SASH1: variants seen among roughly 807,000 people sequenced by gnomAD.
SASH1 encodes SAM and SH3 domain containing 1, also known as SAM and SH3 domain-containing protein 1.
A neutral mutation model predicts 125.2 loss-of-function variants in SASH1; 44 were observed. That is an observed-to-expected ratio of 0.35 (90% confidence interval 0.28 to 0.45). The LOEUF (loss-of-function observed/expected upper bound fraction) is 0.45. Among genes scored for constraint, SASH1 ranks in the 20% least tolerant of loss-of-function variants. SASH1 has a pLI of 1.00. For missense variants in SASH1, 1,426 were observed against 1,614.5 expected, an observed-to-expected ratio of 0.88 and a Z score of 2.00; for synonymous variants, 639 against 649.1, an observed-to-expected ratio of 0.98 and a Z score of 0.24.
chr6:148,456,308 G>A (rs1222284564), intron 4 of SASH1, among the ~76,000 whole-genome samples: 1 of 152,128 alleles, frequency 6.6e-6, no homozygotes, highest in Non-Finnish European at 1.5e-5. Flanking sequence ...CGTCTCTATA[G>A]GGATCAGTGA....
At chr6:148,205,158 C>A in the SASH1 span, among the ~76,000 whole-genome samples, 1 of 152,166 alleles carries the variant, frequency 6.6e-6, no homozygotes, top group Non-Finnish European at 1.5e-5. Flanking sequence ...TATAATGGGG[C>A]GATTTATCAA....
At chr6:148,330,513 A>G (rs1780961667) in intron 1 of SASH1, among the ~76,000 whole-genome samples, 1 of 152,182 alleles carries the variant, frequency 6.6e-6, no homozygotes. Flanking sequence ...CTGCACTTTT[A>G]AGTCTTTTCT....
In SASH1 at chr6:148,544,892, C is replaced by G. The variant is rs1782465846; in HGVS notation, c.3348+74C>G. On this transcript the variant is annotated intron_variant, in intron 18 of 19. Coordinates refer to ENST00000367467, the MANE Select transcript of SASH1 (RefSeq NM_015278.5). The surrounding 1 kb of genome is among the most constrained non-coding windows in gnomAD (Gnocchi z 6.4). Reference sequence around the variant, plus strand: ...AGTCAGGCAGCCAGGTGAGATGAACCCACATCTGAAGCCAGCCCGGTAGCC... The same window carrying G: ...AGTCAGGCAGCCAGGTGAGATGAACGCACATCTGAAGCCAGCCCGGTAGCC... The G allele has an allele frequency of 6.9e-7, 1 of 1,439,592 alleles. No homozygotes were observed. The allele number at this position is 1,439,592 out of a possible 1,614,324, so 89.2% of individuals were successfully genotyped here. A position where few individuals can be genotyped will look rare whatever the true frequency, so the allele number is the denominator to read the frequency against.
At chr6:148,501,500 T>C (rs1466511347) in intron 8 of SASH1, among the ~76,000 whole-genome samples, 2 of 152,198 alleles carry the variant, frequency 1.3e-5, no homozygotes, top group African/African-American at 4.8e-5. Flanking sequence ...GCTTTAGTCT[T>C]CAGTGTGTCT....
chr6:148,390,210 G>A lies in SASH1; in HGVS notation c.233G>A (p.Cys78Tyr). The A allele has an allele frequency of 6.2e-7, 1 of 1,613,248 alleles. No individual in the cohort carries two copies. The highest frequency in any genetic ancestry group is 8.5e-7 in the Non-Finnish European group (1 of 1,179,798). ...DYYNTCFSDVCERMEELRKRR... is the reference protein window; with the variant it reads ...DYYNTCFSDVYERMEELRKRR... ...TACAACACCTGTTTCTCCGACGTGTGCGAGAGGATGGAGGAGCTGCGGAAA... is the reference window on the plus strand; with the variant it reads ...TACAACACCTGTTTCTCCGACGTGTACGAGAGGATGGAGGAGCTGCGGAAA... Residue 78 changes from cysteine to tyrosine, a missense_variant, in exon 2 of 20, where the codon TGC becomes TAC. Transcript: ENST00000367467.
chr6:148,205,275 AC>A, the SASH1 span, among the ~76,000 whole-genome samples: 4 of 151,688 alleles, frequency 2.6e-5, no homozygotes, highest in African/African-American at 4.8e-5. Context: ...TGGTTCTTAT[AC>A]CTCTGTCGTC....
intron 7 of SASH1, among the ~76,000 whole-genome samples, chr6:148,475,987 A>G (rs1778321593): frequency 6.6e-6 from 1 of 152,220 alleles, no homozygotes; most frequent in South Asian, 2.1e-4. Flanking sequence ...CTGTTATTCC[A>G]CATAGTACTG....
At chr6:148,367,226 A>G (rs1462674370) in intron 1 of SASH1, among the ~76,000 whole-genome samples, 3 of 152,134 alleles carry the variant, frequency 2.0e-5, no homozygotes, top group African/African-American at 7.2e-5. Context: ...ACCTGGCCAC[A>G]GTGTATCTTT....
chr6:148,446,912 C>G (rs772451226), intron 4 of SASH1, among the ~76,000 whole-genome samples: 1 of 152,224 alleles, frequency 6.6e-6, no homozygotes, highest in African/African-American at 2.4e-5. Context: ...AACCACAGAG[C>G]TGTAATTCCA....
chr6:148,491,339 G>T (rs1454451019), intron 8 of SASH1, among the ~76,000 whole-genome samples: 1 of 152,130 alleles, frequency 6.6e-6, no homozygotes, highest in East Asian at 1.9e-4. Flanking sequence ...GCATGATCTC[G>T]GCTCACTGCA....
the SASH1 span, among the ~76,000 whole-genome samples, chr6:148,259,995 C>T: frequency 1.7e-3 from 252 of 152,278 alleles, 1 homozygote; most frequent in Non-Finnish European, 3.3e-3. Flanking sequence ...AAGTGATTCT[C>T]CTGCCTCAGC....
In SASH1 at chr6:148,543,855, G is replaced by T. The variant is rs181294022; in HGVS notation, c.2385G>T (p.Thr795=). The change falls in exon 18 of 20, where the codon ACG becomes ACT. Residue 795 remains threonine, a synonymous_variant. Transcript: ENST00000367467. ...TGGGTGGTGGCCTTGCCCCAGACAC[G>T]TCCAAGAGCTGTGACCCACCTGGTG... ...GRLGGGLAPD[T]SKSCDPPGVT... The T allele has an allele frequency of 3.1e-6, 5 of 1,614,038 alleles. No homozygotes were observed. In the South Asian group the frequency reaches 4.4e-5, roughly 14 times the overall value.
At position 148,471,454 on chromosome 6, in the gene SASH1, G is replaced by T. The variant is rs1385734558; in HGVS notation, c.465G>T (p.Trp155Cys). ...GGAAGAAGAAAAATAAGTATTTCTG[G>T]CAGAACTTCCGAAAGAACCAGAAAG... ...GDWKKKNKYF[W>C]QNFRKNQKGI... Residue 155 changes from tryptophan (W) to cysteine (C), a missense_variant, in exon 6 of 20, where the codon TGG becomes TGT. Coordinates refer to ENST00000367467, the MANE Select transcript of SASH1 (RefSeq NM_015278.5). 3 of 1,571,448 alleles carry T rather than the reference G, an allele frequency of 1.9e-6. No individual in the cohort carries two copies.
intron 2 of SASH1, among the ~76,000 whole-genome samples, chr6:148,405,415 A>G (rs918983621): frequency 1.3e-5 from 2 of 151,950 alleles, no homozygotes; most frequent in Non-Finnish European, 1.5e-5. Context: ...ACAGAGGAAA[A>G]CAGAAAGTTC....
intron 5 of SASH1, 32 bp from the exon 6 acceptor site, chr6:148,471,385 T>C (rs766709492): frequency 3.7e-6 from 4 of 1,093,898 alleles, no homozygotes; most frequent in Non-Finnish European, 5.0e-6. Flanking sequence ...TGCTTTTTGT[T>C]CTTTTTTTTT....
the SASH1 span, among the ~76,000 whole-genome samples, chr6:148,235,677 C>A: frequency 6.6e-6 from 1 of 152,184 alleles, no homozygotes; most frequent in East Asian, 1.9e-4. Flanking sequence ...CTCACAGGGA[C>A]CAGTACAAAC....
intron 2 of SASH1, among the ~76,000 whole-genome samples, chr6:148,438,146 G>T (rs1266107703): frequency 6.6e-6 from 1 of 152,296 alleles, no homozygotes; most frequent in Middle Eastern, 3.4e-3. Context: ...CAATTTCAGA[G>T]AAAATTTCAG....
chr6:148,382,410 C>T (rs1366328541), intron 1 of SASH1, among the ~76,000 whole-genome samples: 1 of 152,080 alleles, frequency 6.6e-6, no homozygotes, highest in Non-Finnish European at 1.5e-5. Flanking sequence ...CAGCCTCAGC[C>T]TCCTGAGTAG....
chr6:148,517,708 G>T (rs547264906), intron 9 of SASH1, among the ~76,000 whole-genome samples: 3 of 152,320 alleles, frequency 2.0e-5, no homozygotes, highest in Middle Eastern at 3.4e-3. Context: ...CGAGAATAGA[G>T]CTACATTCGT....
Sources: allele counts gnomAD v4.1 joint callset (sites outside exome capture counted in the v4.1 genomes callset), GRCh38; gene constraint gnomAD v4.1.1; non-coding constraint Gnocchi (gnomAD v3.1); transcripts MANE v1.5; gene names NCBI Gene and HGNC (gene_info 2026-07-23, HGNC 2026-07-21).